DIS3L2: variants seen among roughly 807,000 people sequenced by gnomAD.
DIS3L2 encodes the protein DIS3-like exonuclease 2.
DIS3L2 carries 34 observed loss-of-function variants against 97.5 expected under a neutral mutation model. That is an observed-to-expected ratio of 0.35 (90% CI 0.27 to 0.46). The LOEUF is 0.46. DIS3L2 is among the 20% of genes least tolerant of loss of function. The pLI, the probability that DIS3L2 is intolerant of heterozygous loss-of-function variation, is 1.00. For synonymous variants in DIS3L2, 435 were observed against 445.2 expected (o/e 0.98, Z 0.29); for missense variants, 1,038 against 1,146.0 (o/e 0.91, Z 1.36).
At chr2:231,990,563 A>G (rs1381013831) in intron 1 of DIS3L2, among the ~76,000 whole-genome samples, 4 of 152,250 alleles carry the variant, frequency 2.6e-5, no homozygotes, top group African/African-American at 9.6e-5. Context: ...CAGAGTACAC[A>G]TGAGAAATCA....
intron 14 of DIS3L2, among the ~76,000 whole-genome samples, chr2:232,305,444 C>T (rs78568569): frequency 0.15 from 23,395 of 152,078 alleles, 2,890 homozygotes; most frequent in African/African-American, 0.34. Context: ...CCGCCTATTA[C>T]TATTAATTAA....
At chr2:232,085,867 C>T (rs534044867) in intron 5 of DIS3L2, among the ~76,000 whole-genome samples, 5 of 152,012 alleles carry the variant, frequency 3.3e-5, no homozygotes, top group East Asian at 1.9e-4. Context: ...AGTGCTGTGG[C>T]GTGATCATAG....
intron 8 of DIS3L2, among the ~76,000 whole-genome samples, chr2:232,153,545 T>TTACA (rs1690380123): frequency 1.8e-5 from 1 of 56,640 alleles, no homozygotes; most frequent in African/African-American, 7.5e-5. Context: ...CTCTTCTGGC[T>TTACA]TGTAGGGTTT....
At chr2:232,300,582 G>C (rs903602160) in intron 14 of DIS3L2, among the ~76,000 whole-genome samples, 5 of 151,414 alleles carry the variant, frequency 3.3e-5, no homozygotes, top group African/African-American at 1.2e-4. Context: ...GATTTAAATT[G>C]GTGCCCTTGT....
Position 232,259,570 on chromosome 2 carries a change from C to G in DIS3L2, c.1426-3637C>G, listed in dbSNP as rs116442699. Among the ~76,000 whole-genome samples, 1,021 of 152,154 alleles carry G rather than the reference C, an allele frequency of 6.7e-3. 10 individuals carry two copies. The highest frequency in any genetic ancestry group is 0.023 in the African/African-American group (964 of 41,508). ...GTGGAACTTGCTGCTACGTTTTATG[C>G]ATAAATATTTCAGGGAGGAGGGCCT... On this transcript the variant is annotated intron_variant, in intron 12 of 20. Coordinates refer to ENST00000325385, the MANE Select transcript of DIS3L2 (RefSeq NM_152383.5).
chr2:232,336,395 A>G (rs1338486191), intron 20 of DIS3L2, 74 bp from the exon 21 acceptor site: 2 of 1,554,522 alleles, frequency 1.3e-6, no homozygotes, highest in Non-Finnish European at 1.7e-6. Context: ...GTCCTGCTGC[A>G]GGGATGGAGG....
chr2:232,078,789 A>G (rs933166203), intron 5 of DIS3L2, among the ~76,000 whole-genome samples: 5 of 152,258 alleles, frequency 3.3e-5, no homozygotes, highest in African/African-American at 1.2e-4. Context: ...AATGCAGTAA[A>G]GAAATTGAGA....
At chr2:232,188,206 T>TC (rs1691501657) in intron 9 of DIS3L2, among the ~76,000 whole-genome samples, 1 of 152,148 alleles carries the variant, frequency 6.6e-6, no homozygotes, top group Non-Finnish European at 1.5e-5. Context: ...ACAAAGTGTT[T>TC]CCCCTCTGTG....
At chr2:232,231,698 G>T in intron 10 of DIS3L2, among the ~76,000 whole-genome samples, 1 of 152,254 alleles carries the variant, frequency 6.6e-6, no homozygotes, top group Non-Finnish European at 1.5e-5. Flanking sequence ...ACCTGCATGG[G>T]CAGTTAGGCA....
At chr2:232,005,475 A>G (rs549230631) in intron 1 of DIS3L2, among the ~76,000 whole-genome samples, 23 of 152,298 alleles carry the variant, frequency 1.5e-4, no homozygotes, top group Middle Eastern at 6.8e-3. Context: ...GGCGCAGCCT[A>G]TGGAATTTGT....
chr2:231,982,427 C>G (rs945695791), intron 1 of DIS3L2, among the ~76,000 whole-genome samples: 15 of 152,128 alleles, frequency 9.9e-5, no homozygotes, highest in Admixed American at 9.2e-4. Context: ...ATTATATATT[C>G]AATACTTACG....
At chr2:232,005,895 A>G (rs1452355854) in intron 1 of DIS3L2, among the ~76,000 whole-genome samples, 2 of 152,202 alleles carry the variant, frequency 1.3e-5, no homozygotes, top group Non-Finnish European at 2.9e-5. Flanking sequence ...GGTTTTGAAA[A>G]GGCACTTTAT....
intron 1 of DIS3L2, among the ~76,000 whole-genome samples, chr2:231,976,269 C>T (rs561494566): frequency 6.6e-6 from 1 of 152,120 alleles, no homozygotes; most frequent in South Asian, 2.1e-4. Context: ...TCCTTTAATT[C>T]CCTAATACAG....
chr2:231,989,114 T>C (rs975282708), intron 1 of DIS3L2, among the ~76,000 whole-genome samples: 3 of 152,146 alleles, frequency 2.0e-5, no homozygotes, highest in African/African-American at 7.2e-5. Context: ...ATTATGCGTG[T>C]AGATAGTGGG....
At chr2:232,115,795 A>G (rs1353301838) in intron 6 of DIS3L2, among the ~76,000 whole-genome samples, 1 of 152,208 alleles carries the variant, frequency 6.6e-6, no homozygotes. Flanking sequence ...CCAGCCTACA[A>G]AACTGTGAGT....
intron 9 of DIS3L2, among the ~76,000 whole-genome samples, chr2:232,183,018 T>C (rs1326914791): frequency 6.6e-6 from 1 of 152,162 alleles, no homozygotes; most frequent in Non-Finnish European, 1.5e-5. Context: ...AATTATAGTT[T>C]AGGAAGGCAG....
chr2:232,066,537 T>C (rs1466729055), intron 5 of DIS3L2, among the ~76,000 whole-genome samples: 1 of 152,028 alleles, frequency 6.6e-6, no homozygotes, highest in African/African-American at 2.4e-5. Flanking sequence ...TTACTGGTAT[T>C]ATTATGTCTT....
downstream of DIS3L2, among the ~76,000 whole-genome samples, chr2:232,340,367 G>A (rs906450221): frequency 6.6e-6 from 1 of 152,188 alleles, no homozygotes; most frequent in African/African-American, 2.4e-5. Flanking sequence ...CTGGGCTGGG[G>A]TGAAGAGGGA....
chr2:232,156,909 T>G (rs1460715671), intron 8 of DIS3L2, among the ~76,000 whole-genome samples: 1 of 152,224 alleles, frequency 6.6e-6, no homozygotes, highest in Non-Finnish European at 1.5e-5. Flanking sequence ...GTTAGTTATT[T>G]TATGTAACTT....
Sources: allele counts gnomAD v4.1 joint callset (sites outside exome capture counted in the v4.1 genomes callset), GRCh38; gene constraint gnomAD v4.1.1; transcripts MANE v1.5; gene names NCBI Gene and HGNC (gene_info 2026-07-23, HGNC 2026-07-21).